Variants in CDIN1 observed in about 807,000 individuals in gnomAD.
CDIN1 encodes the protein CDAN1 interacting nuclease 1, also known as CDAN1-interacting nuclease 1.
CDIN1 carries 33 observed loss-of-function variants against 45.3 expected under a neutral mutation model. That is an observed-to-expected ratio of 0.73 (90% CI 0.55 to 0.97). CDIN1 has a LOEUF of 0.97. Among genes scored for constraint, CDIN1 ranks in the 50% least tolerant of loss-of-function variants. CDIN1 has a pLI of 0.00. For missense variants in CDIN1, 303 were observed against 339.4 expected (o/e 0.89, Z 0.84); for synonymous variants, 118 against 124.4 (o/e 0.95, Z 0.34).
At chr15:36,661,174 G>A (rs1346862229) in intron 5 of CDIN1, among the ~76,000 whole-genome samples, 1 of 152,150 alleles carries the variant, frequency 6.6e-6, no homozygotes, top group Non-Finnish European at 1.5e-5. Context: ...TCTTTTTATT[G>A]CATTACACTG....
intron 8 of CDIN1, among the ~76,000 whole-genome samples, chr15:36,703,268 C>CAGA (rs2042716811): frequency 1.1e-5 from 1 of 87,104 alleles, no homozygotes; most frequent in Admixed American, 1.3e-4. Context: ...ATATATATAT[C>CAGA]TGATAGATCT....
chr15:36,760,380 C>G (rs1198513173), intron 10 of CDIN1, among the ~76,000 whole-genome samples: 1 of 152,084 alleles, frequency 6.6e-6, no homozygotes, highest in Non-Finnish European at 1.5e-5. Context: ...CTGTTTTTTC[C>G]TTTTAATATT....
In CDIN1 at chr15:36,736,486, C is replaced by T. The variant is rs191172917; in HGVS notation, c.716+26525C>T. On this transcript the variant is annotated intron_variant, in intron 10 of 10. Transcript: ENST00000566621. ...TCAAAGCCACATAGGCATGTGTCTA[C>T]GAGATGCTGCTTTGATAATGAGTTG... Among the ~76,000 whole-genome samples, 105 of 152,258 alleles carry T rather than the reference C, an allele frequency of 6.9e-4. 3 individuals are homozygous for T. Among genetic ancestry groups the T allele is most frequent in the Admixed American group, 6.9e-3 (105 of 15,294 alleles).
At chr15:36,738,271 A>G (rs62002345) in intron 10 of CDIN1, among the ~76,000 whole-genome samples, 35,068 of 152,088 alleles carry the variant, frequency 0.23, 4,202 homozygotes, top group East Asian at 0.3. Flanking sequence ...GCTTGAATAT[A>G]TGGCAGATAT....
At chr15:36,673,443 T>C (rs1330252689) in intron 5 of CDIN1, among the ~76,000 whole-genome samples, 3 of 152,146 alleles carry the variant, frequency 2.0e-5, no homozygotes, top group Non-Finnish European at 4.4e-5. Context: ...ACAAATTTGC[T>C]CAGGAGCTCA....
intron 8 of CDIN1, among the ~76,000 whole-genome samples, chr15:36,703,426 T>C (rs1398164424): frequency 1.0e-4 from 15 of 145,988 alleles, no homozygotes; most frequent in Admixed American, 2.1e-4. Flanking sequence ...ATCAGATATA[T>C]ATATATCAGA....
chr15:36,589,671 A>G (rs575568028), intron 1 of CDIN1, among the ~76,000 whole-genome samples: 1 of 152,104 alleles, frequency 6.6e-6, no homozygotes, highest in African/African-American at 2.4e-5. Flanking sequence ...ACGCCCGGCT[A>G]ATTTTTGTAT....
intron 5 of CDIN1, among the ~76,000 whole-genome samples, chr15:36,688,444 G>T (rs2140683176): frequency 6.6e-6 from 1 of 152,244 alleles, no homozygotes; most frequent in Non-Finnish European, 1.5e-5. Context: ...GCTTTAACAG[G>T]TACCAAGTCT....
intron 1 of CDIN1, among the ~76,000 whole-genome samples, chr15:36,610,889 T>C (rs943055882): frequency 6.6e-6 from 1 of 151,990 alleles, no homozygotes. Flanking sequence ...GTGGGAAGAG[T>C]AATGGTTTTG....
intron 5 of CDIN1, among the ~76,000 whole-genome samples, chr15:36,670,618 T>C (rs1340614798): frequency 6.6e-6 from 1 of 152,124 alleles, no homozygotes; most frequent in Non-Finnish European, 1.5e-5. Flanking sequence ...CACTCTTCTC[T>C]CCGTAAATTA....
intron 1 of CDIN1, among the ~76,000 whole-genome samples, chr15:36,623,279 A>G (rs900198575): frequency 5.3e-5 from 8 of 152,246 alleles, no homozygotes; most frequent in Admixed American, 1.3e-4. Flanking sequence ...GAAATCACCT[A>G]TAAACCCAAA....
intron 1 of CDIN1, among the ~76,000 whole-genome samples, chr15:36,630,551 T>C (rs1208431504): frequency 6.6e-6 from 1 of 152,230 alleles, no homozygotes; most frequent in East Asian, 1.9e-4. Context: ...CCCTTGACAA[T>C]ACAACTGTTG....
chr15:36,693,856 A>G (rs1220922961), intron 7 of CDIN1, among the ~76,000 whole-genome samples: 1 of 152,188 alleles, frequency 6.6e-6, no homozygotes, highest in Non-Finnish European at 1.5e-5. Context: ...AGCATTATAA[A>G]TTCTGTCTGG....
chr15:36,782,078 G>A (rs1440997529), intron 10 of CDIN1, among the ~76,000 whole-genome samples: 1 of 152,170 alleles, frequency 6.6e-6, no homozygotes, highest in Non-Finnish European at 1.5e-5. Flanking sequence ...TTAAGAAATA[G>A]GATCCTCGTA....
At chr15:36,798,278 T>C (rs2141115431) in intron 10 of CDIN1, among the ~76,000 whole-genome samples, 1 of 152,294 alleles carries the variant, frequency 6.6e-6, no homozygotes, top group Non-Finnish European at 1.5e-5. Context: ...ATTTTTAAAA[T>C]CATTTTTCCT....
In CDIN1 at chr15:36,778,425, T is replaced by C. The variant is rs2054272980; in HGVS notation, c.717-29899T>C. On this transcript the variant is annotated intron_variant, in intron 10 of 10. Coordinates refer to ENST00000566621, the MANE Select transcript of CDIN1 (RefSeq NM_001321759.2). ...CTACCTACAAACTTTTTCTTCTGTT[T>C]TGCCTTTAATCTAAAGTATTTTAAT... is the stretch of plus-strand genomic sequence containing the variant. 2.6e-5 allele frequency among the ~76,000 whole-genome samples: 4 copies of C among 152,372 alleles called. No homozygotes were observed. In the South Asian group the frequency reaches 8.3e-4, roughly 32 times the overall value.
intron 1 of CDIN1, among the ~76,000 whole-genome samples, chr15:36,593,721 G>A (rs375627230): frequency 6.6e-6 from 1 of 152,040 alleles, no homozygotes. Flanking sequence ...CCGCCACCAC[G>A]ACCGGCTAAT....
intron 10 of CDIN1, among the ~76,000 whole-genome samples, chr15:36,786,898 A>G (rs1305592655): frequency 6.6e-6 from 1 of 150,706 alleles, no homozygotes; most frequent in Non-Finnish European, 1.5e-5. Context: ...CTGTGATACC[A>G]CTCTTTCCTG....
intron 1 of CDIN1, chr15:36,591,638 C>G (rs2037580631): frequency 6.6e-6 from 1 of 152,204 alleles, no homozygotes; most frequent in African/African-American, 2.4e-5. Flanking sequence ...TTGGAACTCT[C>G]TACATGCAGA....
Sources: allele counts gnomAD v4.1 joint callset (sites outside exome capture counted in the v4.1 genomes callset), GRCh38; gene constraint gnomAD v4.1.1; transcripts MANE v1.5; gene names NCBI Gene and HGNC (gene_info 2026-07-23, HGNC 2026-07-21).